Variants in KITLG observed in about 807,000 individuals in gnomAD.
KITLG encodes the protein c-Kit ligand.
Under a neutral mutation model 34.1 loss-of-function variants are expected in KITLG, and 13 were observed. The ratio of observed to expected loss-of-function variants is 0.38; its 90% confidence interval spans 0.25 to 0.61. The LOEUF (loss-of-function observed/expected upper bound fraction) is 0.61, where lower values mean the gene tolerates loss of function less well. Among genes scored for constraint, KITLG ranks in the 20% least tolerant of loss-of-function variants. The pLI is 0.60. For missense variants in KITLG, 292 were observed against 318.9 expected, an observed-to-expected ratio of 0.92 and a Z score of 0.64; for synonymous variants, 110 against 104.0, an observed-to-expected ratio of 1.06 and a Z score of -0.35.
intron 4 of KITLG, 66 bp from the exon 5 acceptor site, chr12:88,516,556 G>A (rs1054138047): frequency 2.7e-5 from 28 of 1,028,116 alleles, no homozygotes; most frequent in Non-Finnish European, 4.1e-5. Context: ...GAAGATAATG[G>A]ACTATAAATA....
chr12:88,529,041 A>G (rs1400911374), intron 3 of KITLG, among the ~76,000 whole-genome samples: 1 of 152,220 alleles, frequency 6.6e-6, no homozygotes, highest in African/African-American at 2.4e-5. Flanking sequence ...AGTTGAGCTG[A>G]TGAATATTCC....
At chr12:88,504,793 A>G (rs1868990050) in intron 9 of KITLG, among the ~76,000 whole-genome samples, 1 of 152,178 alleles carries the variant, frequency 6.6e-6, no homozygotes, top group Admixed American at 6.5e-5. Flanking sequence ...TAAAATTATA[A>G]ATCATGCTGC....
chr12:88,549,938 T>C (rs985207138), intron 1 of KITLG, among the ~76,000 whole-genome samples: 15 of 152,106 alleles, frequency 9.9e-5, no homozygotes, highest in Non-Finnish European at 1.2e-4. Flanking sequence ...AAAAGTACTT[T>C]AAGGAAAATA....
chr12:88,572,858 A>G (rs1012937241), intron 1 of KITLG, among the ~76,000 whole-genome samples: 1 of 152,116 alleles, frequency 6.6e-6, no homozygotes, highest in Admixed American at 6.6e-5. Flanking sequence ...GTATCTTTCA[A>G]ACAGCAGAAT....
rs1321405571 is a variant in KITLG, at chr12:88,580,436, G to C, written c.-158C>G. On this transcript the variant is annotated 5_prime_UTR_variant, in exon 1 of 10. Transcript: ENST00000644744. ...CTCTCCACTGTCCCTGCTTCCCGCA[G>C]CGCTTCTAGTCTCGGCGCGAGGCGG... The C allele has an allele frequency of 1.1e-6, 1 of 899,996 alleles. No individual in the cohort carries two copies. Among genetic ancestry groups the C allele is most frequent in the Admixed American group, 2.2e-5 (1 of 46,136 alleles). 55.8% of individuals were successfully genotyped at this position (899,996 alleles called of 1,614,324 possible). A position where few individuals can be genotyped will look rare whatever the true frequency, so the allele number is the denominator to read the frequency against.
chr12:88,500,718 A>G (rs11104908), intron 9 of KITLG, among the ~76,000 whole-genome samples: 11,928 of 152,286 alleles, frequency 0.078, 510 homozygotes, highest in Non-Finnish European at 0.1. Context: ...GACCAAGTAA[A>G]TTTTTAACTT....
intron 1 of KITLG, among the ~76,000 whole-genome samples, chr12:88,579,064 T>A (rs781240493): frequency 5.3e-5 from 8 of 152,214 alleles, no homozygotes; most frequent in Admixed American, 5.2e-4. Flanking sequence ...CCAGGCAATG[T>A]CCCTTTCCCC....
At chr12:88,535,111 G>A (rs964304883) in intron 2 of KITLG, among the ~76,000 whole-genome samples, 7 of 152,050 alleles carry the variant, frequency 4.6e-5, no homozygotes, top group African/African-American at 1.7e-4. Context: ...GAAAGTGTGG[G>A]ATCTGAGTAT....
intron 3 of KITLG, among the ~76,000 whole-genome samples, chr12:88,523,389 C>T (rs1250850177): frequency 6.6e-6 from 1 of 152,154 alleles, no homozygotes; most frequent in Admixed American, 6.5e-5. Context: ...GTTCTAGTAG[C>T]CATGAGAATA....
chr12:88,499,248 A>C (rs1025122366), intron 9 of KITLG, among the ~76,000 whole-genome samples: 3 of 152,062 alleles, frequency 2.0e-5, no homozygotes, highest in African/African-American at 7.2e-5. Flanking sequence ...CAAACTCCCA[A>C]AGCTTTGAAA....
Position 88,521,909 on chromosome 12 carries a change from C to G in KITLG, c.193-3042G>C, listed in dbSNP as rs566656438. 2.6e-5 allele frequency among the ~76,000 whole-genome samples: 4 copies of G among 152,150 alleles called. No homozygotes were observed. In the South Asian group the frequency reaches 8.3e-4, roughly 32 times the overall value. ...GCTTTCTATCCCTATGTACTTATAA[C>G]ATGTTATTATTCTAGAATCCAAACT... On this transcript the variant is annotated intron_variant, in intron 3 of 9. Transcript: ENST00000644744.
intron 6 of KITLG, among the ~76,000 whole-genome samples, chr12:88,512,003 A>C (rs1318818040): frequency 6.6e-6 from 1 of 152,210 alleles, no homozygotes; most frequent in African/African-American, 2.4e-5. Flanking sequence ...TCCAGCATAT[A>C]TTAAACAATC....
intron 1 of KITLG, among the ~76,000 whole-genome samples, chr12:88,561,723 G>T (rs1029214111): frequency 1.8e-4 from 27 of 152,124 alleles, no homozygotes; most frequent in African/African-American, 6.3e-4. Context: ...CCATGTTTAC[G>T]CCTTAGTAAC....
At chr12:88,551,104 T>C (rs1870900165) in intron 1 of KITLG, among the ~76,000 whole-genome samples, 2 of 152,208 alleles carry the variant, frequency 1.3e-5, no homozygotes, top group East Asian at 3.8e-4. Flanking sequence ...CCTATATTTC[T>C]TAAAGCCCTT....
chr12:88,560,051 C>T (rs929470491), intron 1 of KITLG, among the ~76,000 whole-genome samples: 2 of 152,190 alleles, frequency 1.3e-5, no homozygotes, highest in African/African-American at 2.4e-5. Flanking sequence ...GGTGCTGTCA[C>T]GTGTTGTAAT....
At chr12:88,513,360 CAGA>C (rs1053479326) in intron 6 of KITLG, among the ~76,000 whole-genome samples, 1 of 150,816 alleles carries the variant, frequency 6.6e-6, no homozygotes, top group Admixed American at 6.6e-5. Flanking sequence ...AAATAAGGAA[CAGA>C]AGGTCAATAC....
At chr12:88,505,953 A>G (rs1402240908) in intron 8 of KITLG, among the ~76,000 whole-genome samples, 1 of 152,212 alleles carries the variant, frequency 6.6e-6, no homozygotes, top group Non-Finnish European at 1.5e-5. Flanking sequence ...GAGCTGAATC[A>G]GTATGTTTTG....
At chr12:88,557,404 G>C (rs570473022) in intron 1 of KITLG, among the ~76,000 whole-genome samples, 1 of 152,266 alleles carries the variant, frequency 6.6e-6, no homozygotes, top group East Asian at 1.9e-4. Flanking sequence ...TTAAAAAGTA[G>C]ATCATTAGCT....
chr12:88,546,017 C>A, intron 1 of KITLG, 152 bp from the exon 2 acceptor site: 1 of 731,666 alleles, frequency 1.4e-6, no homozygotes, highest in East Asian at 2.5e-5. Flanking sequence ...TCAAGCTATG[C>A]TCACCAAAGT....
Sources: allele counts gnomAD v4.1 joint callset (sites outside exome capture counted in the v4.1 genomes callset), GRCh38; gene constraint gnomAD v4.1.1; transcripts MANE v1.5; gene names NCBI Gene and HGNC (gene_info 2026-07-23, HGNC 2026-07-21).